The following RNASET2 variants were observed in gnomAD, a reference collection of about 807,000 sequenced individuals.
The protein encoded by RNASET2 is ribonuclease 6.
Under a neutral mutation model 33.9 loss-of-function variants are expected in RNASET2, and 28 were observed. The ratio of observed to expected loss-of-function variants is 0.83; its 90% CI spans 0.61 to 1.13. The LOEUF is 1.13. Ranked by LOEUF, RNASET2 falls within the 50% of genes most tolerant of loss-of-function variation. RNASET2 has a pLI of 0.00. For synonymous variants in RNASET2, 123 were observed against 121.0 expected, an observed-to-expected ratio of 1.02 and a Z score of -0.11; for missense variants, 330 against 319.9, an observed-to-expected ratio of 1.03 and a Z score of -0.24.
chr6:166,930,329 CAG>C (rs1778389346), intron 8 of RNASET2, among the ~76,000 whole-genome samples: 2 of 151,672 alleles, frequency 1.3e-5, no homozygotes, highest in Admixed American at 1.3e-4. Context: ...CTCACATACA[CAG>C]ATGTGCAGGC....
At chr6:166,946,648 A>C (rs564455321) in intron 4 of RNASET2, 34 bp downstream of exon 4, 4 of 1,169,012 alleles carry the variant, frequency 3.4e-6, no homozygotes, top group Non-Finnish European at 5.0e-6. Flanking sequence ...CTAGGTCAAC[A>C]CTCTGCAGTA....
chr6:166,936,338 T>C (rs1778567012), intron 6 of RNASET2, among the ~76,000 whole-genome samples: 1 of 117,962 alleles, frequency 8.5e-6, no homozygotes, highest in Non-Finnish European at 1.7e-5. Flanking sequence ...GGACTTAGAG[T>C]TTTGCATGTG....
chr6:166,955,754 G>C (rs923854591), intron 1 of RNASET2: 4 of 1,190,020 alleles, frequency 3.4e-6, no homozygotes, highest in Middle Eastern at 3.6e-4. Context: ...CTTCCCAGGA[G>C]TCACCCCAGA....
chr6:166,956,186 G>A lies in RNASET2; in HGVS notation c.-4C>T. 6.5e-7 allele frequency: 1 copy of A among 1,547,626 alleles called. No individual in the cohort carries two copies. Among genetic ancestry groups the A allele is most frequent in the Non-Finnish European group, 8.7e-7 (1 of 1,145,676 alleles). On this transcript the variant is annotated 5_prime_UTR_variant, in exon 1 of 9. Transcript: ENST00000508775. ...CGCGCAGGGCTGCAGGGCGCATGGT[G>A]CCGACCTGCGGAGAGAACGCTGCCA...
rs35517174 is a variant in RNASET2, at chr6:166,929,711, C to T, written c.648G>A (p.Pro216=). The change falls in exon 9 of 9, where the codon CCG becomes CCA. Residue 216 remains proline (P), a synonymous_variant. Transcript: ENST00000508775. ...QDQQLQNCTE[P]GEQPSPKQEV... is the part of the protein sequence containing the mutation. The stretch of plus-strand genomic sequence containing the variant: ...CCTGCTTGGGGGACGGCTGCTCCCC[C>T]GGCTCGGTGCAGTTTTGCAGCTGCT... 19,234 of 1,614,046 alleles carry T rather than the reference C, an allele frequency of 0.012. 1,033 individuals carry two copies. In the African/African-American group the frequency reaches 0.13, roughly 11 times the overall value.
chr6:166,935,281 T>C (rs1778539537), intron 6 of RNASET2, among the ~76,000 whole-genome samples: 1 of 152,218 alleles, frequency 6.6e-6, no homozygotes, highest in Admixed American at 6.5e-5. Flanking sequence ...GATGATCCTA[T>C]TTTTGATATA....
At chr6:166,938,437 G>T in intron 6 of RNASET2, 1 of 457,820 alleles carries the variant, frequency 2.2e-6, no homozygotes, top group Non-Finnish European at 4.4e-6. Flanking sequence ...GCAGGTTGGG[G>T]TCATTTCTGG....
intron 1 of RNASET2, chr6:166,953,064 C>T: frequency 4.9e-6 from 1 of 205,720 alleles, no homozygotes; most frequent in Non-Finnish European, 1.0e-5. Context: ...ACTTGCTTCT[C>T]TGCAGAATTT....
At chr6:166,949,065 T>G (rs1583232270) in intron 2 of RNASET2, among the ~76,000 whole-genome samples, 1 of 151,348 alleles carries the variant, frequency 6.6e-6, no homozygotes, top group East Asian at 1.9e-4. Context: ...AAATACAAAA[T>G]TAGCTGGGCG....
chr6:166,946,762 GA>G, intron 3 of RNASET2, 23 bp from the exon 4 acceptor site: 1 of 1,466,190 alleles, frequency 6.8e-7, no homozygotes, highest in Admixed American at 1.9e-5. Flanking sequence ...ATTTAAAAGA[GA>G]AAATAAGAAA....
chr6:166,930,481 A>G (rs954961937), intron 8 of RNASET2, among the ~76,000 whole-genome samples: 29 of 150,164 alleles, frequency 1.9e-4, no homozygotes, highest in Admixed American at 1.5e-3. Context: ...ACACACACAC[A>G]CGCACATGCC....
Position 166,929,335 on chromosome 6 carries a change from G to A in RNASET2, c.*253C>T, listed in dbSNP as rs960190591. 2.8e-5 allele frequency among the ~76,000 whole-genome samples: 4 copies of A among 140,876 alleles called. No individual in the cohort carries two copies. The highest frequency in any genetic ancestry group is 4.5e-5 in the Non-Finnish European group (3 of 67,068). The allele number at this position is 140,876 out of a possible 152,430, so 92.4% of individuals were successfully genotyped here. ...GCCTGATCTACCAGGGCACTGAAGA[G>A]TTTAATAGAGAAAAAAAAAAACAAT... is the stretch of plus-strand genomic sequence containing the variant. On this transcript the variant is annotated 3_prime_UTR_variant, in exon 9 of 9. Transcript: ENST00000508775.
chr6:166,941,587 T>C (rs1385789278), intron 5 of RNASET2, among the ~76,000 whole-genome samples: 1 of 152,170 alleles, frequency 6.6e-6, no homozygotes, highest in East Asian at 1.9e-4. Context: ...TCAAGGGTGA[T>C]TCAACGCACA....
intron 6 of RNASET2, 169 bp downstream of exon 6, chr6:166,938,726 G>C (rs780358886): frequency 1.3e-6 from 1 of 772,242 alleles, no homozygotes; most frequent in Admixed American, 1.7e-5. Context: ...GAAAGGCTTG[G>C]TAGGCTCAGA....
At chr6:166,952,745 G>A (rs995791549) in intron 1 of RNASET2, 197 bp from the exon 2 acceptor site, 51 of 586,782 alleles carry the variant, frequency 8.7e-5, no homozygotes, top group Non-Finnish European at 1.4e-4. Flanking sequence ...GTGTGGTGGC[G>A]TCCAGTGCTG....
rs58837223 is a variant in RNASET2, at chr6:166,927,713, CA to C, written c.*1874del. 0.055 allele frequency among the ~76,000 whole-genome samples: 2,594 copies of C among 47,320 alleles called. 32 individuals carry two copies. Among genetic ancestry groups the C allele is most frequent in the Admixed American group, 0.14 (623 of 4,610 alleles). 31.0% of individuals were successfully genotyped at this position (47,320 alleles called of 152,430 possible). A position where few individuals can be genotyped will look rare whatever the true frequency, so the allele number is the denominator to read the frequency against. On this transcript the variant is annotated 3_prime_UTR_variant, in exon 9 of 9. Coordinates refer to ENST00000508775, the MANE Select transcript of RNASET2 (RefSeq NM_003730.6). ...TGATCCCTGTGTTCGCAAAATGACT[CA>C]AAAAAAAAAAAAAAAAAAAAAAGAA...
intron 1 of RNASET2, chr6:166,955,389 A>AAACG (rs1178374289): frequency 1.5e-5 from 5 of 331,124 alleles, no homozygotes; most frequent in Admixed American, 2.0e-4. Flanking sequence ...ACGCACACAC[A>AAACG]CACACGCGCA....
rs58837223 is a variant in RNASET2 at position 166,927,713 on chromosome 6, CAAAAA to C, written c.*1870_*1874del. On this transcript the variant is annotated 3_prime_UTR_variant, in exon 9 of 9. Coordinates refer to ENST00000508775, the MANE Select transcript of RNASET2 (RefSeq NM_003730.6). The stretch of plus-strand genomic sequence containing the variant: ...TGATCCCTGTGTTCGCAAAATGACT[CAAAAA>C]AAAAAAAAAAAAAAAAAAGAATTGA... 6.3e-5 allele frequency among the ~76,000 whole-genome samples: 3 copies of C among 47,342 alleles called. No homozygotes were observed. The highest frequency in any genetic ancestry group is 2.6e-4 in the African/African-American group (3 of 11,648). The allele number at this position is 47,342 out of a possible 152,430, so 31.1% of individuals were successfully genotyped here. A position where few individuals can be genotyped will look rare whatever the true frequency, so the allele number is the denominator to read the frequency against.
Position 166,926,406 on chromosome 6 carries a change from C to T in RNASET2, c.*3182G>A, listed in dbSNP as rs143544903. 2.1e-3 allele frequency among the ~76,000 whole-genome samples: 320 copies of T among 151,742 alleles called. 1 individual carries two copies. Among genetic ancestry groups the T allele is most frequent in the African/African-American group, 7.1e-3 (295 of 41,408 alleles). ...TACAAAAAATAGCCGGGCATGGTGG[C>T]GTGCCTAGTCCCAGCTACTCGGGAG... On this transcript the variant is annotated 3_prime_UTR_variant, in exon 9 of 9. Coordinates refer to ENST00000508775, the MANE Select transcript of RNASET2 (RefSeq NM_003730.6).
Sources: gnomAD v4.1 joint callset for allele counts (sites outside exome capture counted in the v4.1 genomes callset) on GRCh38, gnomAD v4.1.1 for gene constraint, MANE v1.5 for transcripts, NCBI Gene and HGNC (gene_info 2026-07-23, HGNC 2026-07-21) for gene names.